Variants in FNBP1L observed in about 807,000 individuals in gnomAD.
The protein encoded by FNBP1L is formin binding protein 1 like, also known as formin-binding protein 1-like.
FNBP1L carries 36 observed loss-of-function variants against 91.2 expected under a neutral mutation model. That is an observed-to-expected ratio of 0.39 (90% CI 0.30 to 0.52). The LOEUF is 0.52. FNBP1L is among the 20% of genes least tolerant of loss of function. The pLI, the probability that FNBP1L is intolerant of heterozygous loss-of-function variation, is 0.66. For synonymous variants in FNBP1L, 242 were observed against 237.0 expected (o/e 1.02, Z -0.19); for missense variants, 571 against 732.1 (o/e 0.78, Z 2.54).
chr1:93,541,021 G>C (rs1360792303), intron 10 of FNBP1L, 21 bp from the exon 11 acceptor site: 2 of 1,535,282 alleles, frequency 1.3e-6, no homozygotes, highest in Non-Finnish European at 1.7e-6. Flanking sequence ...ATTTCTTTCT[G>C]TTTTCCATTG....
intron 1 of FNBP1L, among the ~76,000 whole-genome samples, chr1:93,482,926 G>A (rs1425694895): frequency 6.6e-6 from 1 of 151,702 alleles, no homozygotes; most frequent in East Asian, 1.9e-4. Flanking sequence ...GCTGAGGCAG[G>A]AGAATGGCTT....
chr1:93,515,908 G>T (rs1671085919), intron 2 of FNBP1L, among the ~76,000 whole-genome samples: 2 of 150,942 alleles, frequency 1.3e-5, no homozygotes, highest in Admixed American at 6.6e-5. Context: ...AAAACTTAAG[G>T]TATAATAATA....
intron 2 of FNBP1L, among the ~76,000 whole-genome samples, chr1:93,520,258 A>AT (rs908996209): frequency 1.3e-5 from 2 of 152,202 alleles, no homozygotes; most frequent in African/African-American, 2.4e-5. Context: ...GAATAAATTG[A>AT]TTCAAGTGGC....
chr1:93,525,904 C>G (rs1557810358), intron 5 of FNBP1L, among the ~76,000 whole-genome samples: 1 of 152,108 alleles, frequency 6.6e-6, no homozygotes, highest in Non-Finnish European at 1.5e-5. Context: ...AATATAATTT[C>G]TGTTTAATAT....
chr1:93,542,264 A>G (rs1013981068), intron 11 of FNBP1L, among the ~76,000 whole-genome samples: 6 of 152,068 alleles, frequency 3.9e-5, no homozygotes, highest in African/African-American at 1.4e-4. Flanking sequence ...CATTGTGGGC[A>G]ACAGAATGAG....
intron 1 of FNBP1L, among the ~76,000 whole-genome samples, chr1:93,497,242 G>A (rs547943255): frequency 1.1e-4 from 17 of 152,308 alleles, no homozygotes; most frequent in African/African-American, 3.1e-4. Flanking sequence ...GATTACAGGC[G>A]TGAGCCAGTG....
chr1:93,551,202 A>T, intron 16 of FNBP1L, 97 bp downstream of exon 16: 1 of 1,399,506 alleles, frequency 7.1e-7, no homozygotes. Context: ...CAGGTTGAAA[A>T]AAATAAGGAA....
chr1:93,515,313 G>T (rs971452146), intron 2 of FNBP1L, among the ~76,000 whole-genome samples: 1 of 151,258 alleles, frequency 6.6e-6, no homozygotes, highest in African/African-American at 2.4e-5. Context: ...TTACACTGTT[G>T]GTGGGACTGT....
At chr1:93,452,746 C>T (rs1668537981) in intron 1 of FNBP1L, among the ~76,000 whole-genome samples, 2 of 152,086 alleles carry the variant, frequency 1.3e-5, no homozygotes. Flanking sequence ...TTGGAGGGTG[C>T]TTGTCTAGAG....
intron 9 of FNBP1L, among the ~76,000 whole-genome samples, chr1:93,535,672 C>A (rs780811616): frequency 5.3e-5 from 8 of 151,700 alleles, no homozygotes; most frequent in Non-Finnish European, 1.2e-4. Context: ...TTATAATATA[C>A]CTGTATCTTT....
At chr1:93,548,058 A>G (rs1672298673) in intron 14 of FNBP1L, among the ~76,000 whole-genome samples, 1 of 152,192 alleles carries the variant, frequency 6.6e-6, no homozygotes, top group South Asian at 2.1e-4. Context: ...CCTGAAATAT[A>G]AAATGGAGGT....
chr1:93,523,575 C>A, intron 4 of FNBP1L, 84 bp downstream of exon 4: 2 of 1,272,284 alleles, frequency 1.6e-6, no homozygotes, highest in Non-Finnish European at 2.1e-6. Flanking sequence ...AATGTGTGTT[C>A]AGCATAAACT....
At chr1:93,503,858 TTTTTTC>T (rs1670519586) in intron 2 of FNBP1L, among the ~76,000 whole-genome samples, 1 of 152,176 alleles carries the variant, frequency 6.6e-6, no homozygotes, top group Non-Finnish European at 1.5e-5. Flanking sequence ...ATCATTTTAG[TTTTTTC>T]TAGTAAAAGT....
intron 2 of FNBP1L, among the ~76,000 whole-genome samples, chr1:93,505,326 T>A (rs1670574383): frequency 6.6e-6 from 1 of 151,928 alleles, no homozygotes; most frequent in Admixed American, 6.6e-5. Flanking sequence ...GCCACAAGAG[T>A]ACACCGAACA....
intron 2 of FNBP1L, among the ~76,000 whole-genome samples, chr1:93,518,657 G>A (rs1671213687): frequency 6.6e-6 from 1 of 152,156 alleles, no homozygotes; most frequent in African/African-American, 2.4e-5. Context: ...GGTACCTGGG[G>A]CAGATGGACT....
chr1:93,478,616 T>A (rs1226245665), intron 1 of FNBP1L, among the ~76,000 whole-genome samples: 1 of 152,068 alleles, frequency 6.6e-6, no homozygotes, highest in Non-Finnish European at 1.5e-5. Flanking sequence ...TATGAAGCCT[T>A]GAGTACAGTA....
chr1:93,507,943 CT>C (rs751904474), intron 2 of FNBP1L, among the ~76,000 whole-genome samples: 23 of 150,962 alleles, frequency 1.5e-4, no homozygotes, highest in Non-Finnish European at 2.4e-4. Context: ...GCCACCACCC[CT>C]GGCCTAGTTT....
At chr1:93,474,522 A>C (rs1320488150) in intron 1 of FNBP1L, among the ~76,000 whole-genome samples, 2 of 152,216 alleles carry the variant, frequency 1.3e-5, no homozygotes, top group East Asian at 3.8e-4. Flanking sequence ...GGAAACTTAG[A>C]ATAGACGTGC....
intron 1 of FNBP1L, among the ~76,000 whole-genome samples, chr1:93,456,540 T>TGACCC (rs1668667560): frequency 7.6e-6 from 1 of 130,874 alleles, no homozygotes; most frequent in Non-Finnish European, 1.6e-5. Flanking sequence ...GAGACCAGGG[T>TGACCC]GGGTGGAGCT....
Sources: allele counts gnomAD v4.1 joint callset (sites outside exome capture counted in the v4.1 genomes callset), GRCh38; gene constraint gnomAD v4.1.1; transcripts MANE v1.5; gene names NCBI Gene and HGNC (gene_info 2026-07-23, HGNC 2026-07-21).